Variants in ZIC4 observed in about 807,000 individuals in gnomAD.
ZIC4 encodes the protein Zic family zinc finger 4.
Under a neutral mutation model 28.8 loss-of-function variants are expected in ZIC4, and 15 were observed. The observed-to-expected ratio is 0.52, with a 90% CI of 0.35 to 0.80. The LOEUF is 0.80. Among genes scored for constraint, ZIC4 ranks in the 30% least tolerant of loss-of-function variants. The pLI, the probability that ZIC4 is intolerant of heterozygous loss-of-function variation, is 0.01. For synonymous variants in ZIC4, 220 were observed against 198.1 expected (o/e 1.11, Z -0.93); for missense variants, 512 against 467.1 (o/e 1.10, Z -0.89).
In ZIC4 at chr3:147,396,202, G is replaced by A; in HGVS notation, c.338C>T (p.Pro113Leu). Residue 113 changes from proline to leucine, a missense_variant, in exon 3 of 5, where the codon CCT becomes CTT. Physicochemically the swap from Pro to Leu is moderately conservative, Grantham distance 98. Coordinates refer to ENST00000383075, the MANE Select transcript of ZIC4 (RefSeq NM_032153.6). This position sits in a 1 kb window ranked among gnomAD's most constrained non-coding sequence, Gnocchi z 4.2. ...LTVNLAAPHGPGAFFRYMRQP... is the reference protein window; with the variant it reads ...LTVNLAAPHGLGAFFRYMRQP... ...GCGCATGTAGCGGAAGAAAGCGCCA[G>A]GACCGTGGGGCGCAGCGAGGTTCAC... 1 of 1,614,102 alleles carries A rather than the reference G, an allele frequency of 6.2e-7. No individual in the cohort carries two copies. Among genetic ancestry groups the A allele is most frequent in the Non-Finnish European group, 8.5e-7 (1 of 1,180,006 alleles).
intron 2 of ZIC4, among the ~76,000 whole-genome samples, chr3:147,397,887 C>T (rs2087082938): frequency 6.6e-6 from 1 of 152,166 alleles, no homozygotes; most frequent in Admixed American, 6.5e-5. Context: ...CTTCGTCTTC[C>T]TTTCTCCTCC....
chr3:147,394,078 G>C (rs2086985099), intron 3 of ZIC4: 3 of 418,260 alleles, frequency 7.2e-6, no homozygotes, highest in South Asian at 3.5e-5. Context: ...TGAATAATTT[G>C]TAGTGAGGTC....
chr3:147,391,121 C>T lies in ZIC4; in HGVS notation c.814G>A (p.Asp272Asn), dbSNP rs781047867. The T allele has an allele frequency of 1.2e-6, 2 of 1,614,124 alleles. No individual in the cohort carries two copies. The highest frequency in any genetic ancestry group is 1.7e-6 in the Non-Finnish European group (2 of 1,179,990). ...KPYTCKVRGC[D>N]KCYTHPSSLR... ...GAGCTGGGGTGCGTGTAGCACTTGT[C>T]GCAGCCCCGCACCTTGCACGTGTAT... Residue 272 changes from aspartate (D) to asparagine (N), a missense_variant, in exon 4 of 5, where the codon GAC becomes AAC. Coordinates refer to ENST00000383075, the MANE Select transcript of ZIC4 (RefSeq NM_032153.6).
chr3:147,404,752 G>C (rs962762705), intron 1 of ZIC4, among the ~76,000 whole-genome samples: 1 of 152,176 alleles, frequency 6.6e-6, no homozygotes, highest in Non-Finnish European at 1.5e-5. Flanking sequence ...GTGGGACAGT[G>C]GGTAGGTGCA....
At chr3:147,397,076 A>G (rs2087064311) in intron 2 of ZIC4, 1 of 151,096 alleles carries the variant, frequency 6.6e-6, no homozygotes, top group Non-Finnish European at 1.5e-5. Context: ...AACTTCTGTA[A>G]AGTTTTTTTT....
chr3:147,388,780 C>A lies in ZIC4; in HGVS notation c.*79G>T, dbSNP rs1445829313. 7.9e-6 allele frequency: 6 copies of A among 757,996 alleles called. No individual in the cohort carries two copies. In the East Asian group the frequency reaches 1.2e-4, roughly 15 times the overall value. 47.0% of individuals were successfully genotyped at this position (757,996 alleles called of 1,614,324 possible). On this transcript the variant is annotated 3_prime_UTR_variant, in exon 5 of 5. Coordinates refer to ENST00000383075, the MANE Select transcript of ZIC4 (RefSeq NM_032153.6). ...GAAGAAACACTGCTTTGTGCGCGGG[C>A]CCTTTGATGTAGCAGGCGCGAGATG...
chr3:147,389,644 G>A (rs1247230044), intron 4 of ZIC4, among the ~76,000 whole-genome samples: 1 of 151,832 alleles, frequency 6.6e-6, no homozygotes, highest in East Asian at 1.9e-4. Context: ...GGCCTTTCTC[G>A]CCCCCTCCTT....
In ZIC4 at chr3:147,391,117, T is replaced by C; in HGVS notation, c.818A>G (p.Lys273Arg). ...PYTCKVRGCD[K>R]CYTHPSSLRK... is the part of the protein sequence containing the mutation. Reference sequence around the variant, plus strand: ...CAGCGAGCTGGGGTGCGTGTAGCACTTGTCGCAGCCCCGCACCTTGCACGT... The same window carrying C: ...CAGCGAGCTGGGGTGCGTGTAGCACCTGTCGCAGCCCCGCACCTTGCACGT... The change falls in exon 4 of 5, where the codon AAG becomes AGG. Residue 273 changes from lysine to arginine, a missense_variant. This residue lies in a region of ZIC4 where 144 missense variants were observed against 116.8 expected (regional missense o/e 1.23). Transcript: ENST00000383075. 1.2e-6 allele frequency: 2 copies of C among 1,614,128 alleles called. No individual in the cohort carries two copies. Among genetic ancestry groups the C allele is most frequent in the Non-Finnish European group, 1.7e-6 (2 of 1,179,978 alleles).
chr3:147,401,950 T>C (rs1054257634), intron 2 of ZIC4, among the ~76,000 whole-genome samples: 1 of 152,188 alleles, frequency 6.6e-6, no homozygotes, highest in Non-Finnish European at 1.5e-5. Flanking sequence ...CTTGAGACTT[T>C]TGCCATTAAA....
At chr3:147,390,488 T>C (rs1416601087) in intron 4 of ZIC4, among the ~76,000 whole-genome samples, 2 of 152,090 alleles carry the variant, frequency 1.3e-5, no homozygotes, top group African/African-American at 4.8e-5. Flanking sequence ...ATCTGTGGCT[T>C]TACTTTTGTC....
intron 1 of ZIC4, among the ~76,000 whole-genome samples, chr3:147,404,704 G>T (rs2087239241): frequency 6.6e-6 from 1 of 152,232 alleles, no homozygotes; most frequent in Non-Finnish European, 1.5e-5. Context: ...GTGCCAGGGA[G>T]CTCCAGTGAT....
chr3:147,390,795 G>A (rs746387966), intron 4 of ZIC4, 136 bp downstream of exon 4: 28 of 1,161,420 alleles, frequency 2.4e-5, no homozygotes, highest in Admixed American at 1.2e-4. Context: ...TGCATTCGGT[G>A]TGTGCGGAAG....
chr3:147,392,554 C>T, intron 3 of ZIC4: 1 of 524,214 alleles, frequency 1.9e-6, no homozygotes, highest in Non-Finnish European at 2.4e-6. Context: ...CAAATGGCTG[C>T]CTCCCAGCGC....
intron 3 of ZIC4, among the ~76,000 whole-genome samples, chr3:147,394,141 T>TCA (rs1179057540): frequency 1.3e-5 from 2 of 150,998 alleles, no homozygotes; most frequent in African/African-American, 4.9e-5. Flanking sequence ...TCTCTCTCTC[T>TCA]CACTCTCTCT....
chr3:147,404,071 A>T, intron 1 of ZIC4: 1 of 1,537,154 alleles, frequency 6.5e-7, no homozygotes, highest in Non-Finnish European at 8.7e-7. Context: ...AGGAGGCCTA[A>T]CTTTGCATTC....
Position 147,390,944 on chromosome 3 carries a change from CG to C in ZIC4, c.990del (p.Asp331ThrfsTer2), listed in dbSNP as rs769275045. On this transcript the variant is annotated frameshift_variant, in exon 4 of 5. Coordinates refer to ENST00000383075, the MANE Select transcript of ZIC4 (RefSeq NM_032153.6). LOFTEE classifies it high-confidence loss of function. ...ASSAAVAART[A>X]DLSE Reference sequence around the variant, plus strand: ...TGACACACGTACCATTCGCTCAAGTCGGCGGTACGCGCCGCCACCGCCGCCG... The same window carrying C: ...TGACACACGTACCATTCGCTCAAGTCGCGGTACGCGCCGCCACCGCCGCCG... The C allele has an allele frequency of 3.1e-6, 5 of 1,609,906 alleles. No homozygotes were observed. In the East Asian group the frequency reaches 1.1e-4, roughly 36 times the overall value.
intron 3 of ZIC4, chr3:147,393,648 C>T (rs1355771810): frequency 1.7e-5 from 5 of 289,732 alleles, no homozygotes; most frequent in Non-Finnish European, 3.4e-5. Flanking sequence ...GCCATTTTCT[C>T]GCACTTGTGG....
chr3:147,402,636 G>T, intron 2 of ZIC4, 92 bp downstream of exon 2: 4 of 1,210,824 alleles, frequency 3.3e-6, no homozygotes, highest in Admixed American at 2.4e-5. Context: ...ATAAACAAAA[G>T]ACAAAACAAA....
intron 2 of ZIC4, among the ~76,000 whole-genome samples, chr3:147,401,700 A>G (rs770161942): frequency 7.9e-5 from 12 of 151,288 alleles, no homozygotes; most frequent in Non-Finnish European, 1.8e-4. Flanking sequence ...AGGAGATGAG[A>G]TCTGTTAGGA....
Sources: gnomAD v4.1 joint callset for allele counts (sites outside exome capture counted in the v4.1 genomes callset) on GRCh38, gnomAD v4.1.1 for gene constraint, gnomAD v4.1.1 regional missense constraint, Gnocchi (gnomAD v3.1) non-coding constraint, MANE v1.5 for transcripts, NCBI Gene and HGNC (gene_info 2026-07-23, HGNC 2026-07-21) for gene names.